Variants in NXPE2 observed in about 807,000 individuals in gnomAD.
NXPE2 encodes NXPE family member 2.
NXPE2 carries 34 observed loss-of-function variants against 34.4 expected under a neutral mutation model. That is an observed-to-expected ratio of 0.99 (90% CI 0.75 to 1.31). The LOEUF (loss-of-function observed/expected upper bound fraction) is 1.31. Ranked by LOEUF, NXPE2 falls within the 40% of genes most tolerant of loss-of-function variation. The pLI, the probability that NXPE2 is intolerant of heterozygous loss-of-function variation, is 0.00. For synonymous variants in NXPE2, 235 were observed against 231.3 expected (o/e 1.02, Z -0.15); for missense variants, 649 against 672.5 (o/e 0.97, Z 0.39).
the NXPE2 span, chr11:114,554,402 C>G: frequency 2.0e-6 from 2 of 984,920 alleles, no homozygotes; most frequent in Non-Finnish European, 2.4e-6. Context: ...GACAATATTC[C>G]AGAACAGGGG....
chr11:114,735,058 T>C, the NXPE2 span, among the ~76,000 whole-genome samples: 2 of 152,096 alleles, frequency 1.3e-5, no homozygotes, highest in South Asian at 4.1e-4. Context: ...TGCAGTGAGC[T>C]GAGATTGCAC....
the NXPE2 span, among the ~76,000 whole-genome samples, chr11:114,558,629 C>A: frequency 6.5e-4 from 99 of 152,016 alleles, 1 homozygote; most frequent in Non-Finnish European, 6.3e-4. Flanking sequence ...GTATTACATT[C>A]GTATATTTTC....
chr11:114,774,762 C>G, the NXPE2 span, among the ~76,000 whole-genome samples: 1 of 152,112 alleles, frequency 6.6e-6, no homozygotes, highest in Non-Finnish European at 1.5e-5. Flanking sequence ...TGACTCAAGC[C>G]CGAGCTCCTG....
chr11:114,565,765 C>T, the NXPE2 span, among the ~76,000 whole-genome samples: 2 of 152,110 alleles, frequency 1.3e-5, no homozygotes, highest in Admixed American at 6.6e-5. Flanking sequence ...ATCTCATTTA[C>T]AGTTTAAAAA....
the NXPE2 span, among the ~76,000 whole-genome samples, chr11:114,592,558 T>C: frequency 6.6e-6 from 1 of 151,676 alleles, no homozygotes. Flanking sequence ...AAATAGATAT[T>C]CCATGTTAAT....
the NXPE2 span, among the ~76,000 whole-genome samples, chr11:114,491,917 C>A: frequency 6.6e-6 from 1 of 152,094 alleles, no homozygotes; most frequent in South Asian, 2.1e-4. Flanking sequence ...GGACAAAAAA[C>A]CAAACACCGC....
At chr11:114,569,420 A>G in the NXPE2 span, among the ~76,000 whole-genome samples, 31 of 152,284 alleles carry the variant, frequency 2.0e-4, no homozygotes, top group African/African-American at 7.5e-4. Context: ...GTGGCTCGCA[A>G]AGATGTTTTA....
the NXPE2 span, among the ~76,000 whole-genome samples, chr11:114,532,998 C>A: frequency 1.3e-5 from 2 of 152,030 alleles, no homozygotes; most frequent in Non-Finnish European, 2.9e-5. Context: ...TAATAGGAAA[C>A]CTTAAACATT....
the NXPE2 span, among the ~76,000 whole-genome samples, chr11:114,799,254 T>C: frequency 7.7e-6 from 1 of 130,122 alleles, no homozygotes; most frequent in African/African-American, 3.0e-5. Flanking sequence ...AAAGGAAACA[T>C]CTGTCCTACA....
the NXPE2 span, among the ~76,000 whole-genome samples, chr11:114,791,207 G>T: frequency 6.6e-6 from 1 of 152,074 alleles, no homozygotes; most frequent in Non-Finnish European, 1.5e-5. Context: ...GTGAGAGAAG[G>T]GTGGAATTGA....
the NXPE2 span, among the ~76,000 whole-genome samples, chr11:114,784,640 C>T: frequency 6.6e-6 from 1 of 152,198 alleles, no homozygotes; most frequent in South Asian, 2.1e-4. Flanking sequence ...AAAACCTCTT[C>T]TTTCCTGGTG....
chr11:114,559,350 T>C, the NXPE2 span, among the ~76,000 whole-genome samples: 1 of 152,210 alleles, frequency 6.6e-6, no homozygotes, highest in Non-Finnish European at 1.5e-5. Flanking sequence ...TTTGAATTCC[T>C]GTGACATATT....
At chr11:114,774,821 C>A in the NXPE2 span, among the ~76,000 whole-genome samples, 1 of 152,352 alleles carries the variant, frequency 6.6e-6, no homozygotes, top group East Asian at 1.9e-4. Context: ...GGAGCATCAT[C>A]TCCAAAGGGG....
chr11:114,609,730 T>TCC, the NXPE2 span, among the ~76,000 whole-genome samples: 3 of 151,810 alleles, frequency 2.0e-5, no homozygotes, highest in Non-Finnish European at 4.4e-5. Context: ...AAGTATTGCC[T>TCC]CATGGATAAC....
the NXPE2 span, among the ~76,000 whole-genome samples, chr11:114,727,123 C>T: frequency 6.6e-6 from 1 of 152,018 alleles, no homozygotes; most frequent in East Asian, 1.9e-4. Flanking sequence ...TACAGCAACA[C>T]CTTCACTTCT....
intron 2 of NXPE2, among the ~76,000 whole-genome samples, chr11:114,683,347 A>G (rs1043037869): frequency 6.6e-6 from 1 of 151,974 alleles, no homozygotes; most frequent in African/African-American, 2.4e-5. Context: ...CTAAAATAAT[A>G]TATGATTTAC....
chr11:114,677,687 A>G (rs1476274595), upstream of NXPE2, among the ~76,000 whole-genome samples: 1 of 152,112 alleles, frequency 6.6e-6, no homozygotes, highest in Non-Finnish European at 1.5e-5. Context: ...AGATGCAAAC[A>G]AACAAATGCT....
the NXPE2 span, among the ~76,000 whole-genome samples, chr11:114,585,561 C>A: frequency 6.6e-6 from 1 of 151,750 alleles, no homozygotes; most frequent in African/African-American, 2.4e-5. Context: ...ATAAAGAGAT[C>A]AATTCATCAA....
the NXPE2 span, among the ~76,000 whole-genome samples, chr11:114,633,205 T>C: frequency 1.5e-5 from 2 of 132,628 alleles, no homozygotes; most frequent in Non-Finnish European, 3.1e-5. Context: ...TGTATAAACA[T>C]GTATATTACA....
Sources: gnomAD v4.1 joint callset for allele counts (sites outside exome capture counted in the v4.1 genomes callset) on GRCh38, gnomAD v4.1.1 for gene constraint, MANE v1.5 for transcripts, NCBI Gene and HGNC (gene_info 2026-07-23, HGNC 2026-07-21) for gene names.